Variants in PCDHA3 observed in about 807,000 individuals in gnomAD.
PCDHA3 encodes the protein protocadherin alpha-3.
PCDHA3 carries 41 observed loss-of-function variants against 62.2 expected under a neutral mutation model. That is an observed-to-expected ratio of 0.66 (90% CI 0.51 to 0.86). The LOEUF is 0.86. Among genes scored for constraint, PCDHA3 ranks in the 40% least tolerant of loss-of-function variants. The pLI is 0.00. For synonymous variants in PCDHA3, 640 were observed against 555.4 expected, an observed-to-expected ratio of 1.15 and a Z score of -2.14; for missense variants, 1,304 against 1,241.2, an observed-to-expected ratio of 1.05 and a Z score of -0.76.
intron 1 of PCDHA3, chr5:140,870,343 C>G (rs375366430): frequency 1.7e-5 from 28 of 1,614,042 alleles, no homozygotes; most frequent in Non-Finnish European, 2.2e-5. Context: ...CGCCCTGGAC[C>G]GCGAGAACGT....
chr5:140,892,779 A>G (rs1490865049), intron 1 of PCDHA3, among the ~76,000 whole-genome samples: 1 of 152,192 alleles, frequency 6.6e-6, no homozygotes, highest in Non-Finnish European at 1.5e-5. Flanking sequence ...TAGCTTCTTG[A>G]AAATATGTAA....
rs2150339542 is a variant in PCDHA3 at position 140,842,572 on chromosome 5, A to T, written c.2394+38981A>T. 7.8e-6 allele frequency: 12 copies of T among 1,538,104 alleles called. 2 individuals carry two copies. In the South Asian group the frequency reaches 8.0e-5, roughly 10 times the overall value. On this transcript the variant is annotated intron_variant, in intron 1 of 3. Transcript: ENST00000522353. Reference sequence around the variant, plus strand: ...TGGACAGCGCCCTGGACCGCGAGAGAGTGTCGGCCTATGAGTTGGTGGTAA... The same window carrying T: ...TGGACAGCGCCCTGGACCGCGAGAGTGTGTCGGCCTATGAGTTGGTGGTAA...
intron 1 of PCDHA3, among the ~76,000 whole-genome samples, chr5:140,895,496 T>A (rs1364776623): frequency 1.3e-5 from 2 of 152,216 alleles, no homozygotes; most frequent in African/African-American, 4.8e-5. Flanking sequence ...TATTCAGAAC[T>A]TTTGCCCAAT....
chr5:140,944,310 C>T (rs1036800359), intron 1 of PCDHA3, among the ~76,000 whole-genome samples: 6 of 152,132 alleles, frequency 3.9e-5, no homozygotes, highest in Non-Finnish European at 7.4e-5. Flanking sequence ...ACCTCAGCCT[C>T]CTGAGTAGCT....
intron 1 of PCDHA3, among the ~76,000 whole-genome samples, chr5:140,910,282 T>C (rs557559116): frequency 1.3e-5 from 2 of 152,300 alleles, no homozygotes; most frequent in East Asian, 1.9e-4. Context: ...AGGAACACCA[T>C]GATTAATCAA....
chr5:140,927,172 G>C (rs782548172), intron 1 of PCDHA3: 2 of 1,614,034 alleles, frequency 1.2e-6, no homozygotes, highest in African/African-American at 2.7e-5. Flanking sequence ...AGCTGCCTGC[G>C]TCTTGACCTA....
intron 1 of PCDHA3, chr5:140,848,680 G>A: frequency 1.9e-6 from 3 of 1,592,366 alleles, no homozygotes; most frequent in East Asian, 2.2e-5. Context: ...CTGGTGCCGC[G>A]CCTGTTCCAG....
chr5:140,995,073 CA>C (rs537697820), intron 3 of PCDHA3, among the ~76,000 whole-genome samples: 319 of 152,298 alleles, frequency 2.1e-3, no homozygotes, highest in African/African-American at 7.3e-3. Flanking sequence ...CAACCTACAG[CA>C]ATCCAAACTT....
intron 3 of PCDHA3, among the ~76,000 whole-genome samples, chr5:141,006,117 T>C (rs2098255751): frequency 6.6e-6 from 1 of 152,094 alleles, no homozygotes; most frequent in African/African-American, 2.4e-5. Flanking sequence ...TTTTTTTTTT[T>C]TTCTCAAGGC....
chr5:140,824,836 T>C (rs2150071558), intron 1 of PCDHA3: 1 of 152,184 alleles, frequency 6.6e-6, no homozygotes, highest in South Asian at 2.1e-4. Flanking sequence ...ATTATTTTAT[T>C]ACACTAATTT....
chr5:140,969,190 T>C, intron 1 of PCDHA3: 2 of 1,614,072 alleles, frequency 1.2e-6, no homozygotes, highest in Non-Finnish European at 1.7e-6. Flanking sequence ...CTTTCATGTT[T>C]TACAATACAG....
chr5:140,878,800 A>T (rs1324441458), intron 1 of PCDHA3, among the ~76,000 whole-genome samples: 1 of 152,182 alleles, frequency 6.6e-6, no homozygotes, highest in Non-Finnish European at 1.5e-5. Context: ...CTTTTTAAAA[A>T]CATATGGGGG....
chr5:140,928,100 T>C (rs1458420006), intron 1 of PCDHA3: 1 of 1,614,090 alleles, frequency 6.2e-7, no homozygotes, highest in African/African-American at 1.3e-5. Context: ...GATGGGCCCC[T>C]GGACCGGGAG....
At chr5:140,809,705 A>G in intron 1 of PCDHA3, 2 of 1,097,976 alleles carry the variant, frequency 1.8e-6, no homozygotes, top group Non-Finnish European at 2.6e-6. Flanking sequence ...TTTTAACTAA[A>G]GTCTTTTGGA....
At chr5:140,817,480 C>T (rs1051531219) in intron 1 of PCDHA3, 1 of 152,168 alleles carries the variant, frequency 6.6e-6, no homozygotes, top group African/African-American at 2.4e-5. Flanking sequence ...CCTCTGTTAT[C>T]TTTTTAAGCT....
chr5:140,995,284 G>A (rs1439846116), intron 3 of PCDHA3, among the ~76,000 whole-genome samples: 2 of 152,112 alleles, frequency 1.3e-5, no homozygotes, highest in African/African-American at 4.8e-5. Flanking sequence ...TACCAAAACA[G>A]CCAGTCGGAT....
intron 1 of PCDHA3, chr5:140,882,537 T>C (rs1582624652): frequency 6.2e-7 from 1 of 1,614,176 alleles, no homozygotes; most frequent in East Asian, 2.2e-5. Context: ...AATTCTCGGA[T>C]CGACCGCGAG....
intron 1 of PCDHA3, chr5:140,836,379 C>T (rs2150259226): frequency 6.2e-7 from 1 of 1,613,734 alleles, no homozygotes; most frequent in Non-Finnish European, 8.5e-7. Context: ...AGCCACCGTG[C>T]TGGTGTCGCT....
At position 140,803,134 on chromosome 5, in the gene PCDHA3, G is replaced by A. The variant is rs782496418; in HGVS notation, c.1937G>A (p.Arg646His). Residue 646 changes from arginine (R) to histidine (H), a missense_variant, in exon 1 of 4, where the codon CGC (arginine) becomes CAC (histidine). By Grantham distance (29) the Arg-to-His change is conservative. Transcript: ENST00000522353. Reference sequence around the variant, plus strand: ...GACGAGGTGGACGCCCCGCGCCATCGCCTACTGGTGCTGGTGAAGGACCAC... The same window carrying A: ...GACGAGGTGGACGCCCCGCGCCATCACCTACTGGTGCTGGTGAAGGACCAC... ...ALDEVDAPRH[R>H]LLVLVKDHGE... is the part of the protein sequence containing the mutation. The A allele has an allele frequency of 6.2e-7, 1 of 1,613,802 alleles. No individual in the cohort carries two copies. The highest frequency in any genetic ancestry group is 1.1e-5 in the South Asian group (1 of 91,078).
Sources: gnomAD v4.1 joint callset for allele counts (sites outside exome capture counted in the v4.1 genomes callset) on GRCh38, gnomAD v4.1.1 for gene constraint, MANE v1.5 for transcripts, NCBI Gene and HGNC (gene_info 2026-07-23, HGNC 2026-07-21) for gene names.